Variants in FRMD4B observed in about 807,000 individuals in gnomAD.
The protein encoded by FRMD4B is FERM domain containing 4B, also known as FERM domain-containing protein 4B.
FRMD4B carries 74 observed loss-of-function variants against 141.5 expected under a neutral mutation model. That is an observed-to-expected ratio of 0.52 (90% CI 0.43 to 0.63). The LOEUF is 0.63. Among genes scored for constraint, FRMD4B ranks in the 30% least tolerant of loss-of-function variants. FRMD4B has a pLI of 0.00. For missense variants in FRMD4B, 1,366 were observed against 1,253.4 expected, an observed-to-expected ratio of 1.09 and a Z score of -1.36; for synonymous variants, 506 against 467.9, an observed-to-expected ratio of 1.08 and a Z score of -1.05.
chr3:69,460,633 G>C (rs1297718518), intron 1 of FRMD4B, among the ~76,000 whole-genome samples: 1 of 152,144 alleles, frequency 6.6e-6, no homozygotes, highest in African/African-American at 2.4e-5. Context: ...TTTACAGGCT[G>C]TATGATCTCT....
At chr3:69,214,913 C>T (rs1273977460) in intron 11 of FRMD4B, among the ~76,000 whole-genome samples, 1 of 151,882 alleles carries the variant, frequency 6.6e-6, no homozygotes, top group Non-Finnish European at 1.5e-5. Context: ...GAAGTCTCAC[C>T]CTGTCGCCCA....
intron 1 of FRMD4B, among the ~76,000 whole-genome samples, chr3:69,461,423 A>T (rs1705705362): frequency 6.6e-6 from 1 of 151,758 alleles, no homozygotes; most frequent in South Asian, 2.1e-4. Flanking sequence ...ATAAATAAAA[A>T]TAACCAGGCT....
chr3:69,397,351 T>C (rs1232115935), intron 2 of FRMD4B, among the ~76,000 whole-genome samples: 2 of 152,240 alleles, frequency 1.3e-5, no homozygotes, highest in East Asian at 1.9e-4. Context: ...TGACTATTAA[T>C]GGGTATGAAA....
In FRMD4B at chr3:69,181,661, A is replaced by C; in HGVS notation, c.2089T>G (p.Ser697Ala). Residue 697 changes from serine (S) to alanine (A), a missense_variant, in exon 21 of 23, where the codon TCC (serine) becomes GCC (alanine). Physicochemically the swap from Ser to Ala is moderately conservative, Grantham distance 99. Transcript: ENST00000398540. ...HCRQRSGSLE[S>A]QSHLLSEMDS... ...ATCTCGGAGAGCAGGTGGGACTGGG[A>C]CTCCAGGCTTCCACTCCGCTGGCGG... The C allele has an allele frequency of 6.2e-7, 1 of 1,613,558 alleles. No individual in the cohort carries two copies. Among genetic ancestry groups the C allele is most frequent in the Non-Finnish European group, 8.5e-7 (1 of 1,179,718 alleles).
chr3:69,200,664 G>A, intron 11 of FRMD4B: 1 of 1,247,664 alleles, frequency 8.0e-7, no homozygotes, highest in Non-Finnish European at 1.0e-6. Flanking sequence ...AGTTCTCAGT[G>A]GCAGATTTTC....
At chr3:69,504,824 G>C (rs985224132) in intron 1 of FRMD4B, among the ~76,000 whole-genome samples, 1 of 152,182 alleles carries the variant, frequency 6.6e-6, no homozygotes, top group African/African-American at 2.4e-5. Flanking sequence ...GGTGAAAGAT[G>C]ATACACATAA....
intron 1 of FRMD4B, among the ~76,000 whole-genome samples, chr3:69,357,169 C>T (rs1436127369): frequency 6.6e-6 from 1 of 152,132 alleles, no homozygotes; most frequent in Non-Finnish European, 1.5e-5. Context: ...TGGATAATTC[C>T]TGCAGTAGTA....
intron 5 of FRMD4B, among the ~76,000 whole-genome samples, chr3:69,251,362 C>T (rs1220665237): frequency 6.6e-6 from 1 of 152,080 alleles, no homozygotes; most frequent in Non-Finnish European, 1.5e-5. Flanking sequence ...ATACAATAGA[C>T]AGGTTCACAG....
chr3:69,382,350 T>C (rs1332743731), intron 1 of FRMD4B, among the ~76,000 whole-genome samples: 1 of 152,164 alleles, frequency 6.6e-6, no homozygotes, highest in Non-Finnish European at 1.5e-5. Flanking sequence ...ACTTTTTGTA[T>C]TTTTAGTAGA....
chr3:69,422,408 G>A (rs1224906179), intron 2 of FRMD4B, among the ~76,000 whole-genome samples: 1 of 147,970 alleles, frequency 6.8e-6, no homozygotes, highest in Non-Finnish European at 1.5e-5. Context: ...GAAGAGAAAA[G>A]GAGAGGGGGC....
chr3:69,376,048 A>C (rs1703963238), intron 1 of FRMD4B, among the ~76,000 whole-genome samples: 1 of 152,186 alleles, frequency 6.6e-6, no homozygotes, highest in South Asian at 2.1e-4. Flanking sequence ...AAGAAAAATA[A>C]AAGCAGCAGA....
chr3:69,265,269 AAT>A (rs1175250592), intron 5 of FRMD4B, among the ~76,000 whole-genome samples: 23 of 23,432 alleles, frequency 9.8e-4, no homozygotes, highest in African/African-American at 3.5e-3. Context: ...AAAAAAAAAA[AAT>A]ATATATATAT....
At chr3:69,304,050 T>C (rs1201663124) in intron 3 of FRMD4B, among the ~76,000 whole-genome samples, 1 of 151,808 alleles carries the variant, frequency 6.6e-6, no homozygotes, top group African/African-American at 2.4e-5. Flanking sequence ...CCCAGCACTT[T>C]AGGAGGCTGA....
At chr3:69,417,668 T>A (rs1389453623) in intron 2 of FRMD4B, among the ~76,000 whole-genome samples, 1 of 152,220 alleles carries the variant, frequency 6.6e-6, no homozygotes, top group Non-Finnish European at 1.5e-5. Flanking sequence ...GATTCTATTA[T>A]AAAGCAGACA....
chr3:69,184,924 C>A (rs1312984942), intron 19 of FRMD4B, among the ~76,000 whole-genome samples: 2 of 152,140 alleles, frequency 1.3e-5, no homozygotes, highest in Non-Finnish European at 2.9e-5. Flanking sequence ...GATCTCTTAC[C>A]ATTTCAGGCA....
intron 19 of FRMD4B, among the ~76,000 whole-genome samples, chr3:69,186,054 A>AG (rs1559694676): frequency 2.0e-5 from 3 of 151,726 alleles, no homozygotes; most frequent in South Asian, 4.2e-4. Flanking sequence ...AAAAAAAAAA[A>AG]AGTAAGTGCT....
chr3:69,490,971 T>C (rs1038544009), intron 1 of FRMD4B, among the ~76,000 whole-genome samples: 1 of 152,192 alleles, frequency 6.6e-6, no homozygotes, highest in Admixed American at 6.5e-5. Context: ...CAACAATTTT[T>C]TGATGCTAAA....
intron 1 of FRMD4B, among the ~76,000 whole-genome samples, chr3:69,500,369 A>G (rs1234399959): frequency 6.6e-6 from 1 of 152,188 alleles, no homozygotes; most frequent in Non-Finnish European, 1.5e-5. Flanking sequence ...TAGGATATAT[A>G]TTCTTAATGA....
intron 5 of FRMD4B, among the ~76,000 whole-genome samples, chr3:69,277,906 A>C (rs1157358812): frequency 6.7e-6 from 1 of 149,204 alleles, no homozygotes; most frequent in African/African-American, 2.5e-5. Context: ...CCCAGGCTGG[A>C]GTACAGTGGC....
Sources: allele counts gnomAD v4.1 joint callset (sites outside exome capture counted in the v4.1 genomes callset), GRCh38; gene constraint gnomAD v4.1.1; transcripts MANE v1.5; gene names NCBI Gene and HGNC (gene_info 2026-07-23, HGNC 2026-07-21).